MYH16: variants seen among roughly 807,000 people sequenced by gnomAD.
MYH16 encodes putative uncharacterized protein MYH16.
At chr7:99,302,317 T>TATATACACACACACAC (rs1184408879) in intron 38 of MYH16, among the ~76,000 whole-genome samples, 3 of 95,562 alleles carry the variant, frequency 3.1e-5, no homozygotes, top group African/African-American at 1.4e-4. Flanking sequence ...AAAAAATATA[T>TATATACACACACACAC]ACACACACAC....
chr7:99,279,861 G>A, intron 22 of MYH16, 124 bp downstream of exon 4: 1 of 347,674 alleles, frequency 2.9e-6, no homozygotes, highest in Non-Finnish European at 5.7e-6. Context: ...TTTTTTGGGG[G>A]TTTTTTTTTG....
At chr7:99,277,738 G>A in intron 21 of MYH16, 26 bp downstream of exon 3, 1 of 449,546 alleles carries the variant, frequency 2.2e-6, no homozygotes, top group Non-Finnish European at 4.5e-6. Flanking sequence ...AGGGAGAAGG[G>A]TGGGAAACCC....
intron 24 of MYH16, 26 bp downstream of exon 6, chr7:99,283,677 C>T (rs3180090): frequency 8.8e-6 from 4 of 456,500 alleles, no homozygotes; most frequent in African/African-American, 6.0e-5. Flanking sequence ...GTGGCCACCT[C>T]TACAACTCCA....
At chr7:99,310,027 A>G (rs1439257724), downstream of MYH16, among the ~76,000 whole-genome samples, 1 of 152,158 alleles carries the variant, frequency 6.6e-6, no homozygotes, top group Non-Finnish European at 1.5e-5. Context: ...CCAGAAAAAT[A>G]AAAAAATAAA....
chr7:99,243,186 C>G (rs561922160), intron 1 of MYH16: 2 of 152,842 alleles, frequency 1.3e-5, no homozygotes, highest in Non-Finnish European at 2.9e-5. Context: ...TCCACTCCAT[C>G]TCCTGGGACT....
chr7:99,258,955 A>G (rs1791905703), intron 11 of MYH16, among the ~76,000 whole-genome samples: 2 of 152,130 alleles, frequency 1.3e-5, no homozygotes, highest in Non-Finnish European at 2.9e-5. Flanking sequence ...GAAACTTACG[A>G]TCATGGTGAA....
intron 1 of MYH16, among the ~76,000 whole-genome samples, chr7:99,241,074 G>C (rs1323369531): frequency 6.6e-6 from 1 of 152,290 alleles, no homozygotes; most frequent in East Asian, 1.9e-4. Context: ...ATCTAAGTTT[G>C]GATCCACATT....
intron 6 of MYH16, chr7:99,251,331 G>A (rs540151244): frequency 6.6e-6 from 1 of 152,646 alleles, no homozygotes; most frequent in East Asian, 1.9e-4. Context: ...AGATGTTGAA[G>A]GCACAGCAAT....
At chr7:99,310,573 ACT>A (rs1792746222), downstream of MYH16, among the ~76,000 whole-genome samples, 1 of 152,146 alleles carries the variant, frequency 6.6e-6, no homozygotes, top group Non-Finnish European at 1.5e-5. Flanking sequence ...GCTAGGTATA[ACT>A]CAACAGTATC....
At chr7:99,262,319 A>G (rs1214840413) in intron 13 of MYH16, among the ~76,000 whole-genome samples, 1 of 152,218 alleles carries the variant, frequency 6.6e-6, no homozygotes, top group African/African-American at 2.4e-5. Context: ...AGCTGTCAGG[A>G]AAGTCATGAT....
At chr7:99,294,076 C>T (rs900920999) in exon 33 of MYH16, 34 of 455,972 alleles carry the variant, frequency 7.5e-5, no homozygotes, top group Non-Finnish European at 1.1e-4. Context: ...TGCCCAGGCC[C>T]GGGCCGCCTC....
chr7:99,302,154 A>T (rs927225288), intron 38 of MYH16, among the ~76,000 whole-genome samples: 27 of 151,932 alleles, frequency 1.8e-4, no homozygotes, highest in African/African-American at 6.5e-4. Context: ...AAATACAAAA[A>T]TTGGCCAGGT....
intron 28 of MYH16, among the ~76,000 whole-genome samples, chr7:99,287,354 G>A (rs1278034894): frequency 2.0e-5 from 3 of 151,872 alleles, no homozygotes; most frequent in African/African-American, 7.3e-5. Flanking sequence ...TAAACATGGT[G>A]AAACCCCATC....
intron 17 of MYH16, among the ~76,000 whole-genome samples, chr7:99,266,139 G>A (rs752976526): frequency 1.3e-4 from 20 of 152,086 alleles, no homozygotes; most frequent in Non-Finnish European, 1.3e-4. Context: ...AAAAAACCCC[G>A]ATTGCTAGTG....
At chr7:99,296,722 C>T (rs771727948) in exon 34 of MYH16, 1 of 456,052 alleles carries the variant, frequency 2.2e-6, no homozygotes, top group Admixed American at 2.3e-5. Flanking sequence ...AGCTGCTGCC[C>T]TGGACAAGAA....
chr7:99,289,914 T>A (rs1374417341), intron 30 of MYH16, among the ~76,000 whole-genome samples: 1 of 150,292 alleles, frequency 6.7e-6, no homozygotes, highest in African/African-American at 2.4e-5. Context: ...TAGTTTAGGA[T>A]TTTTTTTTTC....
downstream of MYH16, among the ~76,000 whole-genome samples, chr7:99,307,433 T>C (rs1792697684): frequency 6.6e-6 from 1 of 152,082 alleles, no homozygotes; most frequent in Non-Finnish European, 1.5e-5. Flanking sequence ...TATATAAAAG[T>C]TAAAATAGGC....
At chr7:99,310,100 GAATA>G (rs1303410796), downstream of MYH16, among the ~76,000 whole-genome samples, 1 of 151,976 alleles carries the variant, frequency 6.6e-6, no homozygotes, top group Non-Finnish European at 1.5e-5. Context: ...AAATTTAAGA[GAATA>G]AATAAAACCG....
chr7:99,246,412 G>C (rs1234830628), intron 2 of MYH16, among the ~76,000 whole-genome samples: 1 of 150,430 alleles, frequency 6.6e-6, no homozygotes, highest in Non-Finnish European at 1.5e-5. Context: ...ATATAAAACA[G>C]TACTATAGGC....
Sources: allele counts gnomAD v4.1 joint callset (sites outside exome capture counted in the v4.1 genomes callset), GRCh38; gene constraint gnomAD v4.1.1; transcripts MANE v1.5; gene names NCBI Gene and HGNC (gene_info 2026-07-23, HGNC 2026-07-21).